POLI: variants seen among roughly 807,000 people sequenced by gnomAD.
The protein encoded by POLI is DNA polymerase iota.
A neutral mutation model predicts 51.6 loss-of-function variants in POLI; 58 were observed. That is an observed-to-expected ratio of 1.12 (90% CI 0.91 to 1.40). The LOEUF is 1.40. Among genes scored for constraint, POLI ranks in the 40% most tolerant of loss-of-function variants. The pLI, the probability that POLI is intolerant of heterozygous loss-of-function variation, is 0.00. For missense variants in POLI, 921 were observed against 871.3 expected (o/e 1.06, Z -0.72); for synonymous variants, 322 against 299.7 (o/e 1.07, Z -0.77).
intron 3 of POLI, among the ~76,000 whole-genome samples, chr18:54,319,706 T>A (rs1337365519): frequency 6.6e-6 from 1 of 152,156 alleles, no homozygotes; most frequent in Non-Finnish European, 1.5e-5. Context: ...GTAATCGAAG[T>A]GACAAAATAC....
intron 2 of POLI, among the ~76,000 whole-genome samples, 159 bp downstream of exon 2, chr18:54,271,644 A>C (rs2087006682): frequency 2.0e-5 from 3 of 152,346 alleles, no homozygotes; most frequent in African/African-American, 7.2e-5. Context: ...ACCAAGTGTA[A>C]ATTTTACAAG....
At chr18:54,283,114 T>G in intron 6 of POLI, 99 bp downstream of exon 6, 1 of 703,970 alleles carries the variant, frequency 1.4e-6, no homozygotes, top group African/African-American at 1.8e-5. Context: ...TCTAGTTTGC[T>G]TAGTATGTGA....
chr18:54,271,534 A>G (rs1169049888), intron 2 of POLI, 49 bp downstream of exon 2: 1 of 1,266,212 alleles, frequency 7.9e-7, no homozygotes, highest in Admixed American at 2.1e-5. Context: ...TTAGATTAGC[A>G]ACTCATCATG....
chr18:54,302,673 T>G (rs1250936070), downstream of POLI, among the ~76,000 whole-genome samples: 2 of 152,196 alleles, frequency 1.3e-5, no homozygotes, highest in African/African-American at 4.8e-5. Context: ...AAATTATTAT[T>G]AACTATAATC....
chr18:54,295,330 T>C lies in POLI; in HGVS notation c.*863T>C, dbSNP rs2088269148. The C allele has an allele frequency of 4.1e-6, 4 of 984,892 alleles. No individual in the cohort carries two copies. In the African/African-American group the frequency reaches 5.2e-5, roughly 13 times the overall value. The allele number at this position is 984,892 out of a possible 1,614,324, so 61.0% of individuals were successfully genotyped here. ...TAGGTTGTCATAACAACCACAAATATAGACCATTACTAAATTGGTGGATGT... is the reference window on the plus strand; with the variant it reads ...TAGGTTGTCATAACAACCACAAATACAGACCATTACTAAATTGGTGGATGT... On this transcript the variant is annotated 3_prime_UTR_variant, in exon 10 of 10. Coordinates refer to ENST00000579534, the MANE Select transcript of POLI (RefSeq NM_007195.3).
At position 54,293,700 on chromosome 18, in the gene POLI, C is replaced by T. The variant is rs201817534; in HGVS notation, c.1456C>T (p.Arg486Trp). ...EDFPKDKETN[R>W]DFLPSGRIES... is the part of the protein sequence containing the mutation. ...TTTTCCCAAAGACAAAGAAACAAAC[C>T]GGGATTTCCTACCAAGTGGAAGAAT... The change falls in exon 10 of 10, where the codon CGG becomes TGG. Residue 486 changes from arginine (R) to tryptophan (W), a missense_variant. Arg to Trp is a moderately radical substitution (Grantham distance 101). Transcript: ENST00000579534. The T allele has an allele frequency of 1.3e-4, 202 of 1,594,874 alleles. No individual in the cohort carries two copies. In the Admixed American group the frequency reaches 1.6e-3, roughly 12 times the overall value.
intron 3 of POLI, chr18:54,311,029 A>G: frequency 1.2e-6 from 1 of 836,846 alleles, no homozygotes; most frequent in Non-Finnish European, 1.4e-6. Flanking sequence ...AAGTGCTAGG[A>G]AGGATTACAG....
Position 54,297,792 on chromosome 18 carries a change from C to T in POLI, c.*3325C>T, listed in dbSNP as rs1423517710. ...TAATTCTAATTAAATTCCACAAGTT[C>T]TTTATTAAATCTCCAAATTGGATAT... On this transcript the variant is annotated 3_prime_UTR_variant, in exon 10 of 10. Transcript: ENST00000579534. 4.2e-6 allele frequency: 4 copies of T among 959,088 alleles called. No individual in the cohort carries two copies. In the South Asian group the frequency reaches 1.4e-4, roughly 35 times the overall value. 59.4% of individuals were successfully genotyped at this position (959,088 alleles called of 1,614,324 possible).
chr18:54,285,433 G>T (rs552146516), intron 7 of POLI, among the ~76,000 whole-genome samples: 6 of 151,580 alleles, frequency 4.0e-5, no homozygotes, highest in Non-Finnish European at 5.9e-5. Context: ...TCTGCTTCCC[G>T]GCTCCTTTTC....
rs2088419718 is a variant in POLI, at chr18:54,298,068, T to A, written c.*3601T>A. The A allele has an allele frequency of 7.2e-6, 7 of 970,136 alleles. No individual in the cohort carries two copies. Among genetic ancestry groups the A allele is most frequent in the Non-Finnish European group, 7.4e-6 (6 of 816,122 alleles). The allele number at this position is 970,136 out of a possible 1,614,324, so 60.1% of individuals were successfully genotyped here. A position where few individuals can be genotyped will look rare whatever the true frequency, so the allele number is the denominator to read the frequency against. On this transcript the variant is annotated 3_prime_UTR_variant, in exon 10 of 10. Transcript: ENST00000579534. Reference sequence around the variant, plus strand: ...ATCATGGATTTAGGTTCATTATGAATCTGCAGATTTGTGTCTTCCATCAAA... The same window carrying A: ...ATCATGGATTTAGGTTCATTATGAAACTGCAGATTTGTGTCTTCCATCAAA...
In POLI at chr18:54,305,612, G is replaced by A. The variant is rs561706548; in HGVS notation, c.334-14661G>A. ...TGTGATTTTTGCACATTGATTTTGT[G>A]TCCTGAGACTTTGCTGAAGTTGCTT... On this transcript the variant is annotated intron_variant, in intron 3 of 4. Coordinates refer to the POLI transcript ENST00000579823. 1.6e-3 allele frequency among the ~76,000 whole-genome samples: 229 copies of A among 143,062 alleles called. 28 individuals carry two copies. Among genetic ancestry groups the A allele is most frequent in the African/African-American group, 5.5e-3 (217 of 39,388 alleles). 93.9% of individuals were successfully genotyped at this position (143,062 alleles called of 152,430 possible). A position where few individuals can be genotyped will look rare whatever the true frequency, so the allele number is the denominator to read the frequency against.
At chr18:54,288,691 G>C (rs1024202713) in intron 8 of POLI, among the ~76,000 whole-genome samples, 3 of 151,180 alleles carry the variant, frequency 2.0e-5, no homozygotes, top group Admixed American at 6.6e-5. Context: ...TGAGCTGCCT[G>C]TAAGTTCTCT....
downstream of POLI, among the ~76,000 whole-genome samples, chr18:54,300,196 A>G (rs988051803): frequency 6.6e-6 from 1 of 152,094 alleles, no homozygotes; most frequent in African/African-American, 2.4e-5. Context: ...TCTTATTTCT[A>G]AGTGTCTTTT....
At chr18:54,280,189 A>G (rs1346023990) in intron 4 of POLI, among the ~76,000 whole-genome samples, 1 of 152,200 alleles carries the variant, frequency 6.6e-6, no homozygotes, top group Admixed American at 6.5e-5. Flanking sequence ...AAAGAAAAAA[A>G]GGTTTATTTG....
intron 3 of POLI, among the ~76,000 whole-genome samples, chr18:54,310,343 G>C (rs1467633468): frequency 1.3e-5 from 2 of 152,124 alleles, no homozygotes; most frequent in African/African-American, 4.8e-5. Context: ...CCTTCTGTGG[G>C]TCCAAAGTCT....
chr18:54,293,846 G>T lies in POLI; in HGVS notation c.1602G>T (p.Gln534His). The T allele has an allele frequency of 1.2e-6, 2 of 1,610,480 alleles. No homozygotes were observed. Among genetic ancestry groups the T allele is most frequent in the Non-Finnish European group, 1.7e-6 (2 of 1,177,664 alleles). ...PEGVDQEVFKQLPVDIQEEIL... is the reference protein window; with the variant it reads ...PEGVDQEVFKHLPVDIQEEIL... ...GTGTTGACCAAGAAGTCTTCAAGCA[G>T]CTTCCAGTAGATATTCAAGAAGAAA... The change falls in exon 10 of 10, where the codon CAG becomes CAT. Residue 534 changes from glutamine to histidine, a missense_variant. Coordinates refer to ENST00000579534, the MANE Select transcript of POLI (RefSeq NM_007195.3).
intron 8 of POLI, among the ~76,000 whole-genome samples, chr18:54,288,725 G>A (rs971149381): frequency 5.9e-5 from 9 of 151,382 alleles, no homozygotes; most frequent in African/African-American, 7.3e-5. Flanking sequence ...TCTCATAACC[G>A]CTGTTGCCCC....
At chr18:54,273,491 A>G (rs573680919) in intron 2 of POLI, among the ~76,000 whole-genome samples, 22 of 150,702 alleles carry the variant, frequency 1.5e-4, no homozygotes, top group African/African-American at 5.1e-4. Flanking sequence ...TTTGTATCTT[A>G]TCACTGAAGA....
At chr18:54,318,862 T>C (rs966276604) in intron 3 of POLI, among the ~76,000 whole-genome samples, 1 of 152,194 alleles carries the variant, frequency 6.6e-6, no homozygotes, top group African/African-American at 2.4e-5. Flanking sequence ...TAAGTTGTGC[T>C]ATTTTATTTC....
Sources: allele counts gnomAD v4.1 joint callset (sites outside exome capture counted in the v4.1 genomes callset), GRCh38; gene constraint gnomAD v4.1.1; transcripts MANE v1.5; gene names NCBI Gene and HGNC (gene_info 2026-07-23, HGNC 2026-07-21).